Variants in KIRREL3 observed in about 807,000 individuals in gnomAD.
KIRREL3 encodes the protein kirre like nephrin family adhesion molecule 3.
Under a neutral mutation model 89.7 loss-of-function variants are expected in KIRREL3, and 36 were observed. The ratio of observed to expected loss-of-function variants is 0.40; its 90% CI spans 0.31 to 0.53. KIRREL3 has a LOEUF of 0.53. Ranked by LOEUF, KIRREL3 falls within the 20% of genes least tolerant of loss-of-function variation. The pLI is 0.49. For missense variants in KIRREL3, 864 were observed against 1,056.6 expected (o/e 0.82, Z 2.53); for synonymous variants, 445 against 441.4 (o/e 1.01, Z -0.10).
intron 1 of KIRREL3, among the ~76,000 whole-genome samples, chr11:126,871,120 A>G (rs781666305): frequency 1.3e-5 from 2 of 152,224 alleles, no homozygotes; most frequent in Non-Finnish European, 2.9e-5. Flanking sequence ...GAATCAGTTC[A>G]TCCCTCAAAC....
intron 1 of KIRREL3, among the ~76,000 whole-genome samples, chr11:126,907,553 C>T (rs1042922526): frequency 3.3e-5 from 5 of 152,134 alleles, no homozygotes; most frequent in African/African-American, 7.2e-5. Flanking sequence ...AAGAGAACTT[C>T]GGCAACCACA....
chr11:126,511,115 C>G (rs986580927), intron 4 of KIRREL3, among the ~76,000 whole-genome samples: 10 of 151,300 alleles, frequency 6.6e-5, no homozygotes, highest in African/African-American at 2.4e-4. Context: ...GCCTCCATCT[C>G]TAGAGTCTGC....
intron 1 of KIRREL3, among the ~76,000 whole-genome samples, chr11:126,913,359 A>G (rs2134923552): frequency 6.6e-6 from 1 of 152,320 alleles, no homozygotes; most frequent in South Asian, 2.1e-4. Context: ...TCAGTTCAGA[A>G]TGGGGCTAGT....
intron 1 of KIRREL3, among the ~76,000 whole-genome samples, chr11:126,984,176 C>A (rs1277362765): frequency 1.3e-5 from 2 of 152,192 alleles, no homozygotes; most frequent in Non-Finnish European, 1.5e-5. Flanking sequence ...AAGGCAAGTA[C>A]CTCACCTCTG....
chr11:126,801,340 A>G (rs1462515546), intron 1 of KIRREL3, among the ~76,000 whole-genome samples: 4 of 152,162 alleles, frequency 2.6e-5, no homozygotes, highest in African/African-American at 9.7e-5. Context: ...TTTCCACTTT[A>G]AGTCAAACAC....
Position 126,710,687 on chromosome 11 carries a change from A to G in KIRREL3, c.56-147775T>C, listed in dbSNP as rs892285262. 2.6e-5 allele frequency among the ~76,000 whole-genome samples: 4 copies of G among 152,146 alleles called. No individual in the cohort carries two copies. In the South Asian group the frequency reaches 8.3e-4, roughly 32 times the overall value. On this transcript the variant is annotated intron_variant, in intron 1 of 16. Coordinates refer to ENST00000525144, the MANE Select transcript of KIRREL3 (RefSeq NM_032531.4). The surrounding 1 kb of genome is among the most constrained non-coding windows in gnomAD (Gnocchi z 4.2). ...AGTCCCTGGTGCCCCGAAGGAAAGC[A>G]AATCAGCCTCACTTATAATTAAGTG... is the stretch of plus-strand genomic sequence containing the variant.
In KIRREL3 at chr11:126,513,001, G is replaced by A. The variant is rs763857102; in HGVS notation, c.433+8314C>T. ...GCAGGACTGGGGCAGGAGTGAATGC[G>A]TCCCAGCTCCCCAGTGAGGGCCGTT... On this transcript the variant is annotated intron_variant, in intron 4 of 16. Coordinates refer to ENST00000525144, the MANE Select transcript of KIRREL3 (RefSeq NM_032531.4). The surrounding 1 kb of genome is among the most constrained non-coding windows in gnomAD (Gnocchi z 5.9). 7.9e-5 allele frequency among the ~76,000 whole-genome samples: 12 copies of A among 152,110 alleles called. No homozygotes were observed. Among genetic ancestry groups the A allele is most frequent in the Non-Finnish European group, 1.8e-4 (12 of 68,020 alleles).
rs1209478226 is a variant in KIRREL3, at chr11:126,519,468, CT to C, written c.433+1846del. On this transcript the variant is annotated intron_variant, in intron 4 of 16. Coordinates refer to ENST00000525144, the MANE Select transcript of KIRREL3 (RefSeq NM_032531.4). This position sits in a 1 kb window ranked among gnomAD's most constrained non-coding sequence, Gnocchi z 4.3. ...TAATCTGGACTTTTAATACGTTGGA[CT>C]TTTTTACGTAACGTAGAGTTGAGAG... is the stretch of plus-strand genomic sequence containing the variant. Among the ~76,000 whole-genome samples, 3 of 152,188 alleles carry C rather than the reference CT, an allele frequency of 2.0e-5. No homozygotes were observed. The highest frequency in any genetic ancestry group is 4.1e-4 in the South Asian group (2 of 4,830).
intron 10 of KIRREL3, 40 bp from the exon 11 acceptor site, chr11:126,440,589 C>T (rs375419553): frequency 4.1e-5 from 63 of 1,530,168 alleles, no homozygotes; most frequent in Non-Finnish European, 5.3e-5. Flanking sequence ...CCGGGAAGGG[C>T]ACGTCCCTGC....
rs181794359 is a variant in KIRREL3, at chr11:126,645,362, C to T, written c.56-82450G>A. Among the ~76,000 whole-genome samples, 9 of 152,266 alleles carry T rather than the reference C, an allele frequency of 5.9e-5. No individual in the cohort carries two copies. Among genetic ancestry groups the T allele is most frequent in the East Asian group, 5.8e-4 (3 of 5,176 alleles). ...CTTCTCTCCCAGAGCATTTACCACA[C>T]GGTGCTGCTGGTATGCCAGCCTTTC... On this transcript the variant is annotated intron_variant, in intron 1 of 16. Coordinates refer to ENST00000525144, the MANE Select transcript of KIRREL3 (RefSeq NM_032531.4). The surrounding 1 kb of genome is among the most constrained non-coding windows in gnomAD (Gnocchi z 4.9).
Position 126,614,047 on chromosome 11 carries a change from T to G in KIRREL3, c.56-51135A>C, listed in dbSNP as rs1357585056. ...GAGGTTCTTTTCTGTGTAATTCTTT[T>G]GGCTGAAAACTGAATAGAGTTCTCC... is the stretch of plus-strand genomic sequence containing the variant. On this transcript the variant is annotated intron_variant, in intron 1 of 16. Transcript: ENST00000525144. The surrounding 1 kb of genome is among the most constrained non-coding windows in gnomAD (Gnocchi z 4.6). Among the ~76,000 whole-genome samples the G allele has an allele frequency of 6.6e-6, 1 of 151,916 alleles. No individual in the cohort carries two copies. Among genetic ancestry groups the G allele is most frequent in the African/African-American group, 2.4e-5 (1 of 41,174 alleles).
chr11:126,660,065 G>A (rs557720930), intron 1 of KIRREL3, among the ~76,000 whole-genome samples: 11 of 152,238 alleles, frequency 7.2e-5, no homozygotes, highest in Admixed American at 3.3e-4. Context: ...GGAGTGGCTT[G>A]GAGACCTCCA....
chr11:126,883,245 G>C lies in KIRREL3; in HGVS notation c.55+117210C>G, dbSNP rs1945573757. Among the ~76,000 whole-genome samples, 1 of 152,190 alleles carries C rather than the reference G, an allele frequency of 6.6e-6. No individual in the cohort carries two copies. Among genetic ancestry groups the C allele is most frequent in the South Asian group, 2.1e-4 (1 of 4,826 alleles). On this transcript the variant is annotated intron_variant, in intron 1 of 16. Coordinates refer to ENST00000525144, the MANE Select transcript of KIRREL3 (RefSeq NM_032531.4). The surrounding 1 kb of genome is among the most constrained non-coding windows in gnomAD (Gnocchi z 4.1). ...GAGAGTTCTTGAGAAGCCAGGAATA[G>C]TTAAGAGGAAATTGAGGCAACTTGG... is the stretch of plus-strand genomic sequence containing the variant.
At chr11:126,893,328 T>C (rs1299681733) in intron 1 of KIRREL3, among the ~76,000 whole-genome samples, 2 of 152,182 alleles carry the variant, frequency 1.3e-5, no homozygotes, top group African/African-American at 4.8e-5. Context: ...ACTAATTAGG[T>C]TTTACAATGT....
chr11:126,446,733 C>T (rs374729094), intron 9 of KIRREL3, 26 bp downstream of exon 9: 3 of 1,585,712 alleles, frequency 1.9e-6, no homozygotes, highest in Admixed American at 1.8e-5. Context: ...GCCAGAGGTG[C>T]CCCGAGGTCT....
chr11:126,747,633 T>G lies in KIRREL3; in HGVS notation c.56-184721A>C, dbSNP rs866295450. On this transcript the variant is annotated intron_variant, in intron 1 of 16. Transcript: ENST00000525144. The surrounding 1 kb of genome is among the most constrained non-coding windows in gnomAD (Gnocchi z 4.7). ...CGTGGTATTAGGAACCTGGTATAAC[T>G]GAGAGCGCATCTCCCTTGAGTTCCT... Among the ~76,000 whole-genome samples, 6 of 152,288 alleles carry G rather than the reference T, an allele frequency of 3.9e-5. No individual in the cohort carries two copies. Among genetic ancestry groups the G allele is most frequent in the African/African-American group, 1.2e-4 (5 of 41,564 alleles).
chr11:126,775,171 G>A (rs1290942256), intron 1 of KIRREL3, among the ~76,000 whole-genome samples: 2 of 152,108 alleles, frequency 1.3e-5, no homozygotes. Flanking sequence ...TCACCTCCCA[G>A]TTTATCTGTA....
In KIRREL3 at chr11:126,550,514, G is replaced by C. The variant is rs1269541979; in HGVS notation, c.133+12321C>G. 1 of 152,272 alleles carries C rather than the reference G, an allele frequency of 6.6e-6. No homozygotes were observed. Among genetic ancestry groups the C allele is most frequent in the Non-Finnish European group, 1.5e-5 (1 of 68,072 alleles). The allele number at this position is 152,272 out of a possible 1,614,324, so 9.4% of individuals were successfully genotyped here. On this transcript the variant is annotated intron_variant, in intron 2 of 16. Transcript: ENST00000525144. This position sits in a 1 kb window ranked among gnomAD's most constrained non-coding sequence, Gnocchi z 4.9. ...ATACAAAAAATCAGCCAAGTGAGGT[G>C]GTGGGTGCCTGTAATCCCAGCTACT...
Position 126,772,854 on chromosome 11 carries a change from T to C in KIRREL3, c.56-209942A>G, listed in dbSNP as rs1344802475. 5.3e-5 allele frequency among the ~76,000 whole-genome samples: 8 copies of C among 152,300 alleles called. No individual in the cohort carries two copies. Among genetic ancestry groups the C allele is most frequent in the African/African-American group, 1.9e-4 (8 of 41,576 alleles). ...ATGCCAGCACCATACCTACTGCATC[T>C]GGATCTTCATAATTTGGCCAGAAAC... is the stretch of plus-strand genomic sequence containing the variant. On this transcript the variant is annotated intron_variant, in intron 1 of 16. Transcript: ENST00000525144. This position sits in a 1 kb window ranked among gnomAD's most constrained non-coding sequence, Gnocchi z 4.6.
Sources: allele counts gnomAD v4.1 joint callset (sites outside exome capture counted in the v4.1 genomes callset), GRCh38; gene constraint gnomAD v4.1.1; non-coding constraint Gnocchi (gnomAD v3.1); transcripts MANE v1.5; gene names NCBI Gene and HGNC (gene_info 2026-07-23, HGNC 2026-07-21).